Variants in TCF24 observed in about 807,000 individuals in gnomAD.
TCF24 encodes transcription factor 24.
Under a neutral mutation model 9.3 loss-of-function variants are expected in TCF24, and 5 were observed. The ratio of observed to expected loss-of-function variants is 0.54; its 90% CI spans 0.28 to 1.13. The LOEUF is 1.13. Ranked by LOEUF, TCF24 falls within the 50% of genes most tolerant of loss-of-function variation. The pLI, the probability that TCF24 is intolerant of heterozygous loss-of-function variation, is 0.09. For synonymous variants in TCF24, 110 were observed against 115.8 expected, an observed-to-expected ratio of 0.95 and a Z score of 0.32; for missense variants, 220 against 236.1, an observed-to-expected ratio of 0.93 and a Z score of 0.45.
chr8:66,961,898 G>C lies in TCF24; in HGVS notation c.-45C>G, dbSNP rs1161577969. 5.7e-5 allele frequency: 46 copies of C among 800,050 alleles called. No individual in the cohort carries two copies. Among genetic ancestry groups the C allele is most frequent in the Non-Finnish European group, 6.9e-5 (45 of 654,794 alleles). The allele number at this position is 800,050 out of a possible 1,614,324, so 49.6% of individuals were successfully genotyped here. A position where few individuals can be genotyped will look rare whatever the true frequency, so the allele number is the denominator to read the frequency against. On this transcript the variant is annotated 5_prime_UTR_variant, in exon 2 of 4. Transcript: ENST00000563496. ...CCACCAGCAGCCCAACGGGGCTAAG[G>C]GCGCTCTCAAGCGAGCTCGTTTTGC...
At chr8:66,955,942 T>G (rs1319934486) in intron 3 of TCF24, among the ~76,000 whole-genome samples, 1 of 152,142 alleles carries the variant, frequency 6.6e-6, no homozygotes, top group Non-Finnish European at 1.5e-5. Flanking sequence ...ATTATTATTT[T>G]TTTTTATGAG....
chr8:66,953,860 T>C (rs1436785918), intron 3 of TCF24, among the ~76,000 whole-genome samples: 4 of 152,044 alleles, frequency 2.6e-5, no homozygotes, highest in Non-Finnish European at 5.9e-5. Context: ...CTTCCATTGC[T>C]GATACCCTTT....
At chr8:66,948,205 C>T in intron 3 of TCF24, 41 bp from the exon 4 acceptor site, 1 of 1,416,380 alleles carries the variant, frequency 7.1e-7, no homozygotes, top group Non-Finnish European at 9.5e-7. Flanking sequence ...AAGTTAGTAT[C>T]TATGACATAT....
rs539725836 is a variant in TCF24, at chr8:66,951,532, A to C, written c.391-3368T>G. ...AGGATTTTTGCATCAATGTTCATCA[A>C]GGATATTGGCTTCTAAAATTCTCTT... On this transcript the variant is annotated intron_variant, in intron 3 of 3. Transcript: ENST00000563496. Among the ~76,000 whole-genome samples, 59 of 152,254 alleles carry C rather than the reference A, an allele frequency of 3.9e-4. No homozygotes were observed. In the East Asian group the frequency reaches 0.011, roughly 28 times the overall value.
At chr8:66,949,793 C>T (rs1212339673) in intron 3 of TCF24, among the ~76,000 whole-genome samples, 2 of 148,882 alleles carry the variant, frequency 1.3e-5, no homozygotes, top group African/African-American at 5.0e-5. Flanking sequence ...TTAATGATTG[C>T]CATTCTAACT....
In TCF24 at chr8:66,962,483, C is replaced by A. The variant is rs1245899857; in HGVS notation, c.-289G>T. 1 of 152,574 alleles carries A rather than the reference C, an allele frequency of 6.6e-6. No individual in the cohort carries two copies. Among genetic ancestry groups the A allele is most frequent in the Non-Finnish European group, 1.5e-5 (1 of 68,330 alleles). 9.5% of individuals were successfully genotyped at this position (152,574 alleles called of 1,614,324 possible). ...TGTTTCCAACCTCCGCTGGCTGTGA[C>A]TTTTATGCGGGCGCCCCGCGGCCAG... On this transcript the variant is annotated 5_prime_UTR_variant, in exon 1 of 4. Coordinates refer to ENST00000563496, the MANE Select transcript of TCF24 (RefSeq NM_001193502.2).
chr8:66,961,113 G>A (rs957368838), intron 3 of TCF24, among the ~76,000 whole-genome samples: 2 of 152,282 alleles, frequency 1.3e-5, no homozygotes, highest in East Asian at 3.9e-4. Flanking sequence ...TCCTTCGGAG[G>A]CATCCTGTAA....
At chr8:66,956,603 C>T (rs57524076) in intron 3 of TCF24, among the ~76,000 whole-genome samples, 18,688 of 151,534 alleles carry the variant, frequency 0.12, 2,248 homozygotes, top group African/African-American at 0.31. Context: ...CCGCAAGTGA[C>T]CCGCCCGCCT....
At chr8:66,956,455 T>A (rs553841482) in intron 3 of TCF24, among the ~76,000 whole-genome samples, 107 of 152,268 alleles carry the variant, frequency 7.0e-4, no homozygotes, top group African/African-American at 2.5e-3. Flanking sequence ...CTCCACCTCC[T>A]GGGTTCAAGT....
At chr8:66,957,775 T>C (rs1430109296) in intron 3 of TCF24, among the ~76,000 whole-genome samples, 1 of 151,794 alleles carries the variant, frequency 6.6e-6, no homozygotes, top group African/African-American at 2.4e-5. Flanking sequence ...AAATGTCAAA[T>C]GTAAATTGAG....
chr8:66,955,195 T>G (rs1282847828), intron 3 of TCF24: 1 of 152,222 alleles, frequency 6.6e-6, no homozygotes. Flanking sequence ...AAATTCATCT[T>G]TATGGTGGGC....
intron 3 of TCF24, among the ~76,000 whole-genome samples, chr8:66,955,603 G>A (rs914290149): frequency 1.3e-5 from 2 of 152,202 alleles, no homozygotes; most frequent in African/African-American, 4.8e-5. Context: ...AACATTAAGA[G>A]CTCTGGGTTC....
intron 3 of TCF24, among the ~76,000 whole-genome samples, chr8:66,958,048 T>C (rs1022407062): frequency 1.3e-5 from 2 of 152,162 alleles, no homozygotes; most frequent in African/African-American, 4.8e-5. Context: ...TCCTTTTTCA[T>C]GGATTAATAA....
chr8:66,955,925 T>G (rs1240605502), intron 3 of TCF24, among the ~76,000 whole-genome samples: 11 of 152,062 alleles, frequency 7.2e-5, no homozygotes. Context: ...TTTTTTAAAT[T>G]TATTTTATTA....
At chr8:66,960,536 G>T (rs777762076) in intron 3 of TCF24, among the ~76,000 whole-genome samples, 2 of 152,106 alleles carry the variant, frequency 1.3e-5, no homozygotes, top group African/African-American at 2.4e-5. Flanking sequence ...AAAAATCAGT[G>T]TAAGGTTTCA....
At chr8:66,950,588 C>T (rs1348315536) in intron 3 of TCF24, among the ~76,000 whole-genome samples, 2 of 151,850 alleles carry the variant, frequency 1.3e-5, no homozygotes, top group South Asian at 2.1e-4. Context: ...TTTTTTGGTT[C>T]CATATGAACT....
chr8:66,952,781 G>A (rs1352498832), intron 3 of TCF24, among the ~76,000 whole-genome samples: 1 of 151,758 alleles, frequency 6.6e-6, no homozygotes, highest in Non-Finnish European at 1.5e-5. Flanking sequence ...AGGTGCTCCT[G>A]TATTGGGCGC....
At position 66,961,775 on chromosome 8, in the gene TCF24, C is replaced by T. The variant is rs1814260840; in HGVS notation, c.-10G>A. The T allele has an allele frequency of 9.0e-7, 1 of 1,111,564 alleles. No individual in the cohort carries two copies. The highest frequency in any genetic ancestry group is 1.1e-6 in the Non-Finnish European group (1 of 910,978). 68.9% of individuals were successfully genotyped at this position (1,111,564 alleles called of 1,614,324 possible). On this transcript the variant is annotated 5_prime_UTR_variant, in exon 3 of 4. Coordinates refer to ENST00000563496, the MANE Select transcript of TCF24 (RefSeq NM_001193502.2). ...GGCGGCCGCGGTCCATGGCAGCTTC[C>T]CGCGCCGCGCGCGCTGCAAAGGACC...
chr8:66,950,529 C>T (rs1442794055), intron 3 of TCF24, among the ~76,000 whole-genome samples: 4 of 151,866 alleles, frequency 2.6e-5, no homozygotes, highest in Admixed American at 6.6e-5. Context: ...TAGTGTGATG[C>T]CTCCAGCTTT....
Sources: gnomAD v4.1 joint callset for allele counts (sites outside exome capture counted in the v4.1 genomes callset) on GRCh38, gnomAD v4.1.1 for gene constraint, MANE v1.5 for transcripts, NCBI Gene and HGNC (gene_info 2026-07-23, HGNC 2026-07-21) for gene names.